PLG: variants seen among roughly 807,000 people sequenced by gnomAD.
The protein encoded by PLG is plasmin.
A neutral mutation model predicts 104.4 loss-of-function variants in PLG; 41 were observed. The observed-to-expected ratio is 0.39, with a 90% CI of 0.31 to 0.51. PLG has a LOEUF of 0.51. Ranked by LOEUF, PLG falls within the 20% of genes least tolerant of loss-of-function variation. PLG has a pLI of 0.76. For missense variants in PLG, 891 were observed against 1,003.6 expected (o/e 0.89, Z 1.52); for synonymous variants, 337 against 357.1 (o/e 0.94, Z 0.63).
rs547898923 is a variant in PLG at position 160,738,127 on chromosome 6, G to A, written c.1803-411G>A. On this transcript the variant is annotated intron_variant, in intron 14 of 18. Transcript: ENST00000308192. This position sits in a 1 kb window ranked among gnomAD's most constrained non-coding sequence, Gnocchi z 6.8. ...TCACTGCTGCTCAGGATCACATCTGGCTCCTTGAAGAGTGATTCATCAGAC... is the reference window on the plus strand; with the variant it reads ...TCACTGCTGCTCAGGATCACATCTGACTCCTTGAAGAGTGATTCATCAGAC... Among the ~76,000 whole-genome samples the A allele has an allele frequency of 6.6e-6, 1 of 152,318 alleles. No individual in the cohort carries two copies. The highest frequency in any genetic ancestry group is 1.5e-5 in the Non-Finnish European group (1 of 68,026).
intron 9 of PLG, among the ~76,000 whole-genome samples, chr6:160,720,894 T>C (rs1777818406): frequency 6.6e-6 from 1 of 151,284 alleles, no homozygotes. Flanking sequence ...GCTTGTTCTC[T>C]TTTTTTTTCA....
At position 160,716,687 on chromosome 6, in the gene PLG, C is replaced by T. The variant is rs200226472; in HGVS notation, c.711C>T (p.Pro237=). 3.4e-5 allele frequency: 55 copies of T among 1,613,458 alleles called. No homozygotes were observed. In the Admixed American group the frequency reaches 5.7e-4, roughly 17 times the overall value. Reference sequence around the variant, plus strand: ...TGAAGAAGAATTACTGTCGTAACCCCGATAGGGAGCTGCGGCCTTGGTGTT... The same window carrying T: ...TGAAGAAGAATTACTGTCGTAACCCTGATAGGGAGCTGCGGCCTTGGTGTT... ...KNLKKNYCRN[P]DRELRPWCFT... is the part of the protein sequence containing the mutation. The change falls in exon 7 of 19, where the codon CCC becomes CCT. Residue 237 remains proline (P), a synonymous_variant. Coordinates refer to ENST00000308192, the MANE Select transcript of PLG (RefSeq NM_000301.5).
Position 160,738,947 on chromosome 6 carries a change from C to T in PLG, c.1878-121C>T. On this transcript the variant is annotated intron_variant, in intron 15 of 18. Coordinates refer to ENST00000308192, the MANE Select transcript of PLG (RefSeq NM_000301.5). This position sits in a 1 kb window ranked among gnomAD's most constrained non-coding sequence, Gnocchi z 6.8. ...AAATCATGAATTTTGCTTCTTGCCA[C>T]TCAGAAGTCACTAATTCTGAGTGGC... The T allele has an allele frequency of 8.4e-7, 1 of 1,193,546 alleles. No individual in the cohort carries two copies. The highest frequency in any genetic ancestry group is 1.2e-6 in the Non-Finnish European group (1 of 801,778). The allele number at this position is 1,193,546 out of a possible 1,614,324, so 73.9% of individuals were successfully genotyped here.
rs571682602 is a variant in PLG, at chr6:160,713,307, G to A, written c.547+182G>A. ...TTTTCTGAGACAGAGTTTTGCTCTC[G>A]TTGCCCAGGCTAGAGTGCAACCGTG... On this transcript the variant is annotated intron_variant, in intron 5 of 18. Transcript: ENST00000308192. The A allele has an allele frequency of 1.6e-4, 93 of 596,608 alleles. 1 individual carries two copies. The highest frequency in any genetic ancestry group is 1.1e-3 in the South Asian group (63 of 55,468). 37.0% of individuals were successfully genotyped at this position (596,608 alleles called of 1,614,324 possible). A position where few individuals can be genotyped will look rare whatever the true frequency, so the allele number is the denominator to read the frequency against.
chr6:160,706,548 T>C lies in PLG; in HGVS notation c.185+6T>C, dbSNP rs1369624648. The C allele has an allele frequency of 8.1e-6, 13 of 1,613,080 alleles. No homozygotes were observed. Among genetic ancestry groups the C allele is most frequent in the Non-Finnish European group, 1.0e-5 (12 of 1,179,312 alleles). On this transcript the variant is annotated splice_donor_region_variant and intron_variant, in intron 2 of 18. Transcript: ENST00000308192. ...GACGAAGAATTCACCTGCAGGTATT[T>C]CCATTGTCGTTGCACCTACGCAGGA...
chr6:160,732,459 C>A lies in PLG; in HGVS notation c.1587+566C>A, dbSNP rs1017368525. 7.2e-5 allele frequency among the ~76,000 whole-genome samples: 11 copies of A among 152,102 alleles called. No individual in the cohort carries two copies. Among genetic ancestry groups the A allele is most frequent in the African/African-American group, 2.7e-4 (11 of 41,412 alleles). ...GGGGGATTTCTCCTCACACCCCAAG[C>A]GAGTCTCCAGCAGATACCAGCTGGG... On this transcript the variant is annotated intron_variant, in intron 12 of 18. Coordinates refer to ENST00000308192, the MANE Select transcript of PLG (RefSeq NM_000301.5). This position sits in a 1 kb window ranked among gnomAD's most constrained non-coding sequence, Gnocchi z 4.5.
In PLG at chr6:160,733,947, C is replaced by G. The variant is rs766409574; in HGVS notation, c.1588-48C>G. On this transcript the variant is annotated intron_variant, in intron 12 of 18. Transcript: ENST00000308192. ...GCGTGAGCCTTGGAACACCTTCTCCCTCTCCTGCCCCACGTGAGCTGGAGC... is the reference window on the plus strand; with the variant it reads ...GCGTGAGCCTTGGAACACCTTCTCCGTCTCCTGCCCCACGTGAGCTGGAGC... 7.2e-6 allele frequency: 7 copies of G among 975,346 alleles called. No individual in the cohort carries two copies. The East Asian group carries it at 1.7e-4, about 24-fold the overall frequency. The allele number at this position is 975,346 out of a possible 1,614,324, so 60.4% of individuals were successfully genotyped here. A position where few individuals can be genotyped will look rare whatever the true frequency, so the allele number is the denominator to read the frequency against.
Position 160,723,115 on chromosome 6 carries a change from A to G in PLG, c.1256+548A>G, listed in dbSNP as rs1450418058. On this transcript the variant is annotated intron_variant, in intron 10 of 18. Coordinates refer to ENST00000308192, the MANE Select transcript of PLG (RefSeq NM_000301.5). This position sits in a 1 kb window ranked among gnomAD's most constrained non-coding sequence, Gnocchi z 4.7. ...AGTGTGTATATATATGTACACATAT[A>G]TGTGTGTATATATATGTACACATAT... 6.6e-6 allele frequency among the ~76,000 whole-genome samples: 1 copy of G among 150,946 alleles called. No homozygotes were observed. Among genetic ancestry groups the G allele is most frequent in the East Asian group, 1.9e-4 (1 of 5,178 alleles).
intron 6 of PLG, among the ~76,000 whole-genome samples, chr6:160,715,738 ATAGCTAGC>A (rs1777716661): frequency 6.6e-6 from 1 of 152,228 alleles, no homozygotes; most frequent in South Asian, 2.1e-4. Context: ...CCCATTCCAA[ATAGCTAGC>A]TTAAAACACA....
intron 10 of PLG, among the ~76,000 whole-genome samples, chr6:160,727,454 A>G (rs1777937361): frequency 6.8e-6 from 1 of 148,136 alleles, no homozygotes; most frequent in African/African-American, 2.5e-5. Flanking sequence ...ATTTGTGAGA[A>G]AAAAAAAAAA....
chr6:160,751,737 A>T (rs1375138082), intron 17 of PLG, among the ~76,000 whole-genome samples: 1 of 152,214 alleles, frequency 6.6e-6, no homozygotes, highest in Non-Finnish European at 1.5e-5. Flanking sequence ...AAGATGTGAA[A>T]TTTTGTGTTA....
chr6:160,733,920 A>T (rs1386373063), intron 12 of PLG, 75 bp from the exon 13 acceptor site: 2 of 781,334 alleles, frequency 2.6e-6, no homozygotes, highest in South Asian at 2.7e-5. Context: ...TAGACATGAA[A>T]TGCGTGAGCC....
In PLG at chr6:160,734,994, T is replaced by A. The variant is rs372855669; in HGVS notation, c.1681+906T>A. On this transcript the variant is annotated intron_variant, in intron 13 of 18. Transcript: ENST00000308192. The surrounding 1 kb of genome is among the most constrained non-coding windows in gnomAD (Gnocchi z 4.4). ...AGGTGGTACAGGGCAGTGATGAAGA[T>A]CATGGGAGCCACACTGCCCAGCTTC... Among the ~76,000 whole-genome samples, 3 of 152,196 alleles carry A rather than the reference T, an allele frequency of 2.0e-5. No homozygotes were observed. The highest frequency in any genetic ancestry group is 4.8e-5 in the African/African-American group (2 of 41,520).
At chr6:160,705,386 C>A (rs1777502849) in intron 1 of PLG, 1 of 152,172 alleles carries the variant, frequency 6.6e-6, no homozygotes, top group South Asian at 2.1e-4. Flanking sequence ...GATTCGTTGT[C>A]TCAGATTTGA....
Position 160,710,988 on chromosome 6 carries a change from G to A in PLG, c.293-89G>A, listed in dbSNP as rs574810516. The A allele has an allele frequency of 1.2e-4, 148 of 1,208,450 alleles. No homozygotes were observed. In the African/African-American group the frequency reaches 1.9e-3, roughly 15 times the overall value. 74.9% of individuals were successfully genotyped at this position (1,208,450 alleles called of 1,614,324 possible). A position where few individuals can be genotyped will look rare whatever the true frequency, so the allele number is the denominator to read the frequency against. On this transcript the variant is annotated intron_variant, in intron 3 of 18. Transcript: ENST00000308192. Reference sequence around the variant, plus strand: ...AGCAGAAACAGGGGGTCTGGTGCATGAGATCTTTTTCTCAACGTGACTATG... The same window carrying A: ...AGCAGAAACAGGGGGTCTGGTGCATAAGATCTTTTTCTCAACGTGACTATG...
intron 9 of PLG, among the ~76,000 whole-genome samples, chr6:160,720,643 C>T (rs1367758601): frequency 6.6e-6 from 1 of 152,100 alleles, no homozygotes; most frequent in Non-Finnish European, 1.5e-5. Context: ...TGGTCTCAAA[C>T]TTCTGACCTC....
chr6:160,706,486 A>C lies in PLG; in HGVS notation c.129A>C (p.Ala43=). 6.2e-7 allele frequency: 1 copy of C among 1,613,918 alleles called. No homozygotes were observed. The highest frequency in any genetic ancestry group is 8.5e-7 in the Non-Finnish European group (1 of 1,179,802). Residue 43 remains alanine, a synonymous_variant, in exon 2 of 19, where the codon GCA becomes GCC. Transcript: ENST00000308192. The stretch of plus-strand genomic sequence containing the variant: ...GTGTCACTAAGAAGCAGCTGGGAGC[A>C]GGAAGTATAGAAGAATGTGCAGCAA... ...LFSVTKKQLG[A]GSIEECAAKC... is the part of the protein sequence containing the mutation.
At chr6:160,717,172 G>A (rs1777747360) in intron 7 of PLG, among the ~76,000 whole-genome samples, 1 of 151,942 alleles carries the variant, frequency 6.6e-6, no homozygotes, top group Non-Finnish European at 1.5e-5. Context: ...AGGTCTGTGG[G>A]TGTCCAGTTT....
Sources: gnomAD v4.1 joint callset for allele counts (sites outside exome capture counted in the v4.1 genomes callset) on GRCh38, gnomAD v4.1.1 for gene constraint, Gnocchi (gnomAD v3.1) non-coding constraint, MANE v1.5 for transcripts, NCBI Gene and HGNC (gene_info 2026-07-23, HGNC 2026-07-21) for gene names.